Variants in PTPRD observed in about 807,000 individuals in gnomAD.
The protein encoded by PTPRD is protein tyrosine phosphatase receptor type D.
A neutral mutation model predicts 214.5 loss-of-function variants in PTPRD; 34 were observed. The observed-to-expected ratio is 0.16, with a 90% confidence interval of 0.12 to 0.21. PTPRD has a LOEUF of 0.21. Ranked by LOEUF, PTPRD falls within the 10% of genes least tolerant of loss-of-function variation. PTPRD has a pLI of 1.00. For synonymous variants in PTPRD, 1,128 were observed against 845.7 expected (o/e 1.33, Z -5.79); for missense variants, 2,545 against 2,398.7 (o/e 1.06, Z -1.27).
chr9:8,394,675 C>G (rs1273841648), intron 36 of PTPRD, among the ~76,000 whole-genome samples: 1 of 152,094 alleles, frequency 6.6e-6, no homozygotes, highest in Admixed American at 6.6e-5. Flanking sequence ...TCTTAACCTT[C>G]TTGGACTCAG....
At chr9:9,624,830 GAA>G (rs58910288) in intron 7 of PTPRD, among the ~76,000 whole-genome samples, 1 of 146,526 alleles carries the variant, frequency 6.8e-6, no homozygotes, top group African/African-American at 2.5e-5. Flanking sequence ...TAGATGCATT[GAA>G]AAAAAAAAAA....
At chr9:9,529,029 C>T (rs1309056440) in intron 8 of PTPRD, among the ~76,000 whole-genome samples, 1 of 150,428 alleles carries the variant, frequency 6.6e-6, no homozygotes, top group Non-Finnish European at 1.5e-5. Flanking sequence ...ACCTCTGCCT[C>T]CTGGGTTCAA....
At chr9:10,186,653 T>C (rs1440155224) in intron 3 of PTPRD, among the ~76,000 whole-genome samples, 1 of 152,080 alleles carries the variant, frequency 6.6e-6, no homozygotes, top group Non-Finnish European at 1.5e-5. Flanking sequence ...CTGAATGCTA[T>C]AAAAATGCAG....
At chr9:8,875,621 G>T (rs535604717) in intron 11 of PTPRD, among the ~76,000 whole-genome samples, 1 of 116,144 alleles carries the variant, frequency 8.6e-6, no homozygotes, top group South Asian at 3.2e-4. Context: ...GAAGTTGACA[G>T]TTATAAGATA....
At chr9:8,782,847 GC>G (rs1261741974) in intron 11 of PTPRD, among the ~76,000 whole-genome samples, 2 of 151,896 alleles carry the variant, frequency 1.3e-5, no homozygotes, top group Non-Finnish European at 2.9e-5. Context: ...GCCCTCCTTG[GC>G]CCCCCGCAAA....
intron 8 of PTPRD, among the ~76,000 whole-genome samples, chr9:9,506,005 G>T (rs2096562389): frequency 6.6e-6 from 1 of 151,102 alleles, no homozygotes; most frequent in Admixed American, 6.6e-5. Context: ...AAGGACACAG[G>T]TCTGATTTTT....
At chr9:9,544,792 T>G (rs2078391453) in intron 8 of PTPRD, among the ~76,000 whole-genome samples, 1 of 151,656 alleles carries the variant, frequency 6.6e-6, no homozygotes, top group African/African-American at 2.4e-5. Flanking sequence ...TTTATACTTT[T>G]GTTTTAGATT....
At chr9:10,242,691 T>TA (rs58266656) in intron 3 of PTPRD, among the ~76,000 whole-genome samples, 132,171 of 148,620 alleles carry the variant, frequency 0.89, 58,802 homozygotes, top group East Asian at 0.98. Context: ...CTTACTTAAT[T>TA]AAAAAAAAAT....
At chr9:8,362,091 A>T (rs1180598861) in intron 39 of PTPRD, among the ~76,000 whole-genome samples, 1 of 152,260 alleles carries the variant, frequency 6.6e-6, no homozygotes, top group African/African-American at 2.4e-5. Flanking sequence ...TTTGTACAGT[A>T]TGCAGGCCAC....
chr9:8,812,554 G>T (rs1156433639), intron 11 of PTPRD, among the ~76,000 whole-genome samples: 1 of 152,108 alleles, frequency 6.6e-6, no homozygotes, highest in Non-Finnish European at 1.5e-5. Context: ...AACGACTTAA[G>T]AAAGATCAAC....
chr9:9,956,547 A>G (rs1455561040), intron 4 of PTPRD, among the ~76,000 whole-genome samples: 1 of 152,168 alleles, frequency 6.6e-6, no homozygotes, highest in Non-Finnish European at 1.5e-5. Context: ...AAATTAATAC[A>G]GAAGATACAT....
chr9:9,309,219 G>GTT (rs1234324969), intron 9 of PTPRD, among the ~76,000 whole-genome samples: 18 of 142,678 alleles, frequency 1.3e-4, no homozygotes, highest in African/African-American at 4.4e-4. Flanking sequence ...GTATGTTTTT[G>GTT]TTTTTTTTTT....
intron 5 of PTPRD, among the ~76,000 whole-genome samples, chr9:9,792,908 G>A (rs936545585): frequency 6.6e-6 from 1 of 152,090 alleles, no homozygotes; most frequent in Admixed American, 6.6e-5. Context: ...CTAAATTTAA[G>A]GGGTATTAAA....
Position 10,612,963 on chromosome 9 carries a change from GCTCGCTCGCTGGCGCTCCCTC to G in PTPRD, c.-1004_-984del, listed in dbSNP as rs1567215836. ...GAGGCGGCCGCTCCCGCACTCGCTC[GCTCGCTCGCTGGCGCTCCCTC>G]CTCGTCTCGCTCGCACTCACAGGCA... On this transcript the variant is annotated 5_prime_UTR_variant, in exon 1 of 46. Coordinates refer to ENST00000381196, the MANE Select transcript of PTPRD (RefSeq NM_002839.4). Among the ~76,000 whole-genome samples, 3 of 151,200 alleles carry G rather than the reference GCTCGCTCGCTGGCGCTCCCTC, an allele frequency of 2.0e-5. No individual in the cohort carries two copies. Among genetic ancestry groups the G allele is most frequent in the African/African-American group, 7.3e-5 (3 of 41,272 alleles).
intron 5 of PTPRD, among the ~76,000 whole-genome samples, chr9:9,922,371 T>C (rs1015794917): frequency 6.6e-6 from 1 of 152,104 alleles, no homozygotes; most frequent in Non-Finnish European, 1.5e-5. Context: ...TTATTGGAAG[T>C]TCACATAATC....
intron 11 of PTPRD, among the ~76,000 whole-genome samples, chr9:8,768,743 C>CA (rs1307503835): frequency 6.6e-6 from 1 of 151,864 alleles, no homozygotes; most frequent in East Asian, 1.9e-4. Context: ...AGATATAGTC[C>CA]AAAACCCTTC....
intron 11 of PTPRD, among the ~76,000 whole-genome samples, chr9:8,882,271 T>C (rs1203998589): frequency 2.6e-5 from 4 of 152,192 alleles, no homozygotes; most frequent in Admixed American, 2.6e-4. Context: ...TCTTATAGTA[T>C]CTCACTTTAA....
intron 5 of PTPRD, among the ~76,000 whole-genome samples, chr9:9,932,119 G>C (rs1336583579): frequency 3.4e-5 from 5 of 148,754 alleles, no homozygotes; most frequent in South Asian, 4.2e-4. Flanking sequence ...AAACCACAAA[G>C]ATGGGGAAAA....
intron 11 of PTPRD, among the ~76,000 whole-genome samples, chr9:9,009,625 C>T (rs1266250938): frequency 6.6e-6 from 1 of 151,488 alleles, no homozygotes; most frequent in African/African-American, 2.4e-5. Flanking sequence ...AAATAAGAAA[C>T]AAGTAGAATG....
Sources: allele counts gnomAD v4.1 joint callset (sites outside exome capture counted in the v4.1 genomes callset), GRCh38; gene constraint gnomAD v4.1.1; transcripts MANE v1.5; gene names NCBI Gene and HGNC (gene_info 2026-07-23, HGNC 2026-07-21).